MAGI1: variants seen among roughly 807,000 people sequenced by gnomAD.
The protein encoded by MAGI1 is membrane-associated guanylate kinase, WW and PDZ domain-containing protein 1.
MAGI1 carries 58 observed loss-of-function variants against 139.9 expected under a neutral mutation model. The observed-to-expected ratio is 0.41, with a 90% CI of 0.34 to 0.52. MAGI1 has a LOEUF of 0.52. MAGI1 is among the 20% of genes least tolerant of loss of function. The pLI is 0.12. For synonymous variants in MAGI1, 812 were observed against 737.9 expected, an observed-to-expected ratio of 1.10 and a Z score of -1.63; for missense variants, 1,874 against 1,901.6, an observed-to-expected ratio of 0.99 and a Z score of 0.27.
chr3:65,768,136 C>A (rs79225788), intron 1 of MAGI1, among the ~76,000 whole-genome samples: 11,532 of 152,186 alleles, frequency 0.076, 500 homozygotes, highest in African/African-American at 0.1. Flanking sequence ...ATTACTTAAG[C>A]AGGCTGGGTG....
intron 2 of MAGI1, among the ~76,000 whole-genome samples, chr3:65,529,882 T>C (rs965992911): frequency 6.6e-6 from 1 of 152,178 alleles, no homozygotes; most frequent in African/African-American, 2.4e-5. Context: ...TAGTAAGCCT[T>C]TGCTATACTT....
At chr3:65,657,167 C>A (rs1434089624) in intron 1 of MAGI1, among the ~76,000 whole-genome samples, 1 of 151,904 alleles carries the variant, frequency 6.6e-6, no homozygotes, top group East Asian at 1.9e-4. Context: ...ATTCTTATCC[C>A]CAACTTAAAG....
intron 2 of MAGI1, among the ~76,000 whole-genome samples, chr3:65,508,321 G>A (rs970724164): frequency 2.6e-5 from 4 of 152,026 alleles, no homozygotes; most frequent in Admixed American, 1.3e-4. Context: ...GGAGAATGGC[G>A]TGAACCTGGG....
chr3:65,913,573 A>G (rs1396306037), intron 1 of MAGI1, among the ~76,000 whole-genome samples: 2 of 152,182 alleles, frequency 1.3e-5, no homozygotes, highest in African/African-American at 4.8e-5. Context: ...TTAGTTCACT[A>G]ATTTGGGAAA....
intron 1 of MAGI1, among the ~76,000 whole-genome samples, chr3:65,926,720 C>T (rs758201491): frequency 2.6e-5 from 4 of 152,178 alleles, no homozygotes; most frequent in Non-Finnish European, 5.9e-5. Context: ...GGGGGCCGGG[C>T]GTGGTGGCTC....
intron 1 of MAGI1, among the ~76,000 whole-genome samples, chr3:65,940,646 A>G (rs945374065): frequency 1.3e-5 from 2 of 152,246 alleles, no homozygotes; most frequent in African/African-American, 2.4e-5. Context: ...CATTCAGTCT[A>G]TAACACGGGT....
At chr3:65,768,512 T>C (rs1299089757) in intron 1 of MAGI1, among the ~76,000 whole-genome samples, 1 of 152,216 alleles carries the variant, frequency 6.6e-6, no homozygotes, top group Non-Finnish European at 1.5e-5. Flanking sequence ...GTCAAGTTTT[T>C]TCTTCATTGT....
chr3:66,024,366 C>T (rs559874948), intron 1 of MAGI1, among the ~76,000 whole-genome samples: 1 of 145,154 alleles, frequency 6.9e-6, no homozygotes, highest in South Asian at 2.3e-4. Flanking sequence ...TCTTGAAAAC[C>T]TGAAAAATCT....
intron 2 of MAGI1, among the ~76,000 whole-genome samples, chr3:65,499,864 A>G (rs963198186): frequency 2.0e-5 from 3 of 152,228 alleles, no homozygotes; most frequent in Non-Finnish European, 4.4e-5. Flanking sequence ...AGAAATGGGA[A>G]GAGATGAAAT....
chr3:65,614,007 A>C (rs1329416712), intron 2 of MAGI1, among the ~76,000 whole-genome samples: 3 of 152,184 alleles, frequency 2.0e-5, no homozygotes, highest in Non-Finnish European at 4.4e-5. Context: ...GTGCGTCCAT[A>C]CTTCTTCTAA....
intron 1 of MAGI1, among the ~76,000 whole-genome samples, chr3:65,922,241 A>T (rs264688): frequency 0.77 from 116,922 of 152,046 alleles, 46,144 homozygotes; most frequent in East Asian, 0.98. Context: ...AATGCAAGAG[A>T]TAAAACCTGG....
intron 1 of MAGI1, among the ~76,000 whole-genome samples, chr3:65,742,285 A>T (rs1233080808): frequency 6.6e-6 from 1 of 152,168 alleles, no homozygotes; most frequent in Non-Finnish European, 1.5e-5. Context: ...CATTAATTTT[A>T]AGAAAAAAAT....
At chr3:65,893,440 C>T (rs2060846157) in intron 1 of MAGI1, among the ~76,000 whole-genome samples, 3 of 151,542 alleles carry the variant, frequency 2.0e-5, no homozygotes, top group Non-Finnish European at 2.9e-5. Context: ...ACACAATTAA[C>T]GTTAAGTTTC....
intron 1 of MAGI1, among the ~76,000 whole-genome samples, chr3:65,723,923 G>A (rs186291268): frequency 3.4e-4 from 52 of 152,272 alleles, no homozygotes; most frequent in African/African-American, 1.1e-3. Context: ...CATGTTTGGG[G>A]ATTGGAAAAA....
chr3:66,026,465 T>A (rs2068266521), intron 1 of MAGI1, among the ~76,000 whole-genome samples: 1 of 151,990 alleles, frequency 6.6e-6, no homozygotes, highest in Non-Finnish European at 1.5e-5. Flanking sequence ...ATTTTTTTTT[T>A]AATTTTGCCT....
At chr3:65,360,439 C>T (rs1354643742) in intron 22 of MAGI1, 7 of 981,176 alleles carry the variant, frequency 7.1e-6, no homozygotes, top group African/African-American at 3.5e-5. Flanking sequence ...CATCAGAACA[C>T]TAAGCTATGT....
At chr3:65,973,088 T>A (rs2065085392) in intron 1 of MAGI1, among the ~76,000 whole-genome samples, 1 of 152,038 alleles carries the variant, frequency 6.6e-6, no homozygotes, top group South Asian at 2.1e-4. Context: ...AGTTGGAGGC[T>A]GCAGTGAGCT....
chr3:65,548,160 G>C (rs1019445124), intron 2 of MAGI1, among the ~76,000 whole-genome samples: 7 of 152,220 alleles, frequency 4.6e-5, no homozygotes, highest in African/African-American at 7.2e-5. Flanking sequence ...GCTCATGGCA[G>C]ACAGGCCTGA....
At chr3:65,964,945 A>T (rs1442448784) in intron 1 of MAGI1, among the ~76,000 whole-genome samples, 1 of 152,252 alleles carries the variant, frequency 6.6e-6, no homozygotes, top group African/African-American at 2.4e-5. Context: ...AACTATATGC[A>T]TATGCATATC....
Sources: gnomAD v4.1 joint callset for allele counts (sites outside exome capture counted in the v4.1 genomes callset) on GRCh38, gnomAD v4.1.1 for gene constraint, MANE v1.5 for transcripts, NCBI Gene and HGNC (gene_info 2026-07-23, HGNC 2026-07-21) for gene names.